EVC2: variants seen among roughly 807,000 people sequenced by gnomAD.
EVC2 encodes EvC ciliary complex subunit 2, also known as limbin.
Under a neutral mutation model 149.3 loss-of-function variants are expected in EVC2, and 148 were observed. That is an observed-to-expected ratio of 0.99 (90% CI 0.87 to 1.14). The LOEUF is 1.14. Among genes scored for constraint, EVC2 ranks in the 50% most tolerant of loss-of-function variants. The pLI is 0.00. For missense variants in EVC2, 1,854 were observed against 1,627.3 expected (o/e 1.14, Z -2.40); for synonymous variants, 776 against 649.9 (o/e 1.19, Z -2.95).
At chr4:5,608,290 G>A (rs1182504264) in intron 16 of EVC2, among the ~76,000 whole-genome samples, 1 of 152,164 alleles carries the variant, frequency 6.6e-6, no homozygotes, top group East Asian at 1.9e-4. Context: ...AGTCCCTCTG[G>A]GGACACCACA....
rs777051922 is a variant in EVC2, at chr4:5,670,077, C to T, written c.871-4428G>A. On this transcript the variant is annotated intron_variant, in intron 7 of 21. Coordinates refer to ENST00000344408, the MANE Select transcript of EVC2 (RefSeq NM_147127.5). The surrounding 1 kb of genome is among the most constrained non-coding windows in gnomAD (Gnocchi z 5.2). Reference sequence around the variant, plus strand: ...TCCTGCCCTGCCTACAATGCCTCTACTCTTCAATCTTCTTCCTCAGTGAAG... The same window carrying T: ...TCCTGCCCTGCCTACAATGCCTCTATTCTTCAATCTTCTTCCTCAGTGAAG... Among the ~76,000 whole-genome samples the T allele has an allele frequency of 1.3e-5, 2 of 152,198 alleles. No individual in the cohort carries two copies. Among genetic ancestry groups the T allele is most frequent in the Admixed American group, 6.5e-5 (1 of 15,284 alleles).
intron 16 of EVC2, among the ~76,000 whole-genome samples, chr4:5,610,794 CTTTTTT>C (rs10690279): frequency 1.6e-5 from 2 of 126,506 alleles, no homozygotes; most frequent in South Asian, 4.9e-4. Flanking sequence ...TTTTCCTTTT[CTTTTTT>C]TTTTTTTTTT....
intron 9 of EVC2, among the ~76,000 whole-genome samples, chr4:5,658,860 G>A (rs1029792960): frequency 1.3e-5 from 2 of 151,820 alleles, no homozygotes; most frequent in Admixed American, 1.3e-4. Flanking sequence ...CCAGAGTAAG[G>A]CTGGAGCTAA....
chr4:5,546,728 G>GA (rs542465431), intron 21 of EVC2, among the ~76,000 whole-genome samples: 13,377 of 145,874 alleles, frequency 0.092, 1,103 homozygotes, highest in African/African-American at 0.22. Context: ...TAATAAAATT[G>GA]AAAAAAAAAA....
chr4:5,588,489 T>C (rs1309984868), intron 16 of EVC2, among the ~76,000 whole-genome samples: 2 of 152,174 alleles, frequency 1.3e-5, no homozygotes, highest in Non-Finnish European at 1.5e-5. Flanking sequence ...TTTTCATCCT[T>C]CTTTTTCTCT....
chr4:5,534,743 G>A, the EVC2 span, among the ~76,000 whole-genome samples: 1 of 150,696 alleles, frequency 6.6e-6, no homozygotes, highest in Non-Finnish European at 1.5e-5. Flanking sequence ...TATCCCCACC[G>A]GTGGAAGAGT....
intron 16 of EVC2, among the ~76,000 whole-genome samples, chr4:5,609,523 G>A (rs1248676449): frequency 2.6e-5 from 4 of 152,168 alleles, no homozygotes; most frequent in Admixed American, 1.3e-4. Flanking sequence ...CAAATGCCTC[G>A]TGTCTGCCTT....
rs1445564675 is a variant in EVC2, at chr4:5,618,643, C to A, written c.2541G>T (p.Glu847Asp). The A allele has an allele frequency of 1.2e-6, 2 of 1,610,586 alleles. No homozygotes were observed. The highest frequency in any genetic ancestry group is 3.4e-5 in the Admixed American group (2 of 59,648). The change falls in exon 15 of 22, where the codon GAG (glutamate) becomes GAT (aspartate). Residue 847 changes from glutamate (E) to aspartate (D), a missense_variant. Physicochemically the swap from Glu to Asp is conservative, Grantham distance 45 (BLOSUM62 2). Coordinates refer to ENST00000344408, the MANE Select transcript of EVC2 (RefSeq NM_147127.5). The surrounding 1 kb of genome is among the most constrained non-coding windows in gnomAD (Gnocchi z 4.4). ...CSSVFSLSEE[E>D]LLRMRQEVHG... ...GGACCTCCTGCCTCATCCTGAGCAG[C>A]TCCTCTTCAGACAGGGAGAAGACTG...
At chr4:5,672,542 T>C (rs1382992958) in intron 7 of EVC2, among the ~76,000 whole-genome samples, 1 of 152,152 alleles carries the variant, frequency 6.6e-6, no homozygotes, top group Non-Finnish European at 1.5e-5. Flanking sequence ...CCGTGGACTT[T>C]GGCTTTTGAT....
intron 16 of EVC2, among the ~76,000 whole-genome samples, chr4:5,611,052 T>C (rs1289155877): frequency 6.6e-6 from 1 of 152,122 alleles, no homozygotes; most frequent in Non-Finnish European, 1.5e-5. Flanking sequence ...CAGGCTGTCA[T>C]TGTGTGTGCC....
At chr4:5,709,447 C>T (rs2151751834), upstream of EVC2, 1 of 152,342 alleles carries the variant, frequency 6.6e-6, no homozygotes, top group East Asian at 1.9e-4. Flanking sequence ...CGAGCCTGGC[C>T]CCTGGCAGCC....
rs150691722 is a variant in EVC2 at position 5,622,698 on chromosome 4, G to T, written c.2340C>A (p.His780Gln). ...CGGCCCGTGCAGCCATCTCCTTGCC[G>T]TGCTCCTCCAGGATCTGCTGCAGGA... The part of the protein sequence containing the change: ...WLFLQQILEE[H>Q]GKEMAARAEQ... Residue 780 changes from histidine to glutamine, a missense_variant, in exon 14 of 22, where the codon CAC becomes CAA. Physicochemically the swap from His to Gln is conservative, Grantham distance 24. Transcript: ENST00000344408. The surrounding 1 kb of genome is among the most constrained non-coding windows in gnomAD (Gnocchi z 5.8). 6.2e-7 allele frequency: 1 copy of T among 1,614,030 alleles called. No homozygotes were observed. Among genetic ancestry groups the T allele is most frequent in the African/African-American group, 1.3e-5 (1 of 74,994 alleles).
intron 16 of EVC2, among the ~76,000 whole-genome samples, chr4:5,601,489 G>A (rs1713974775): frequency 6.7e-6 from 1 of 148,414 alleles, no homozygotes; most frequent in South Asian, 2.1e-4. Flanking sequence ...CTCCCAGCAA[G>A]TGAAGCAAAA....
At chr4:5,592,875 C>T (rs985880916) in intron 16 of EVC2, among the ~76,000 whole-genome samples, 7 of 152,162 alleles carry the variant, frequency 4.6e-5, no homozygotes, top group African/African-American at 1.4e-4. Flanking sequence ...TATGGTTTGG[C>T]TGTGTCCCCA....
At chr4:5,675,832 T>C (rs909482403) in intron 7 of EVC2, among the ~76,000 whole-genome samples, 4 of 152,164 alleles carry the variant, frequency 2.6e-5, no homozygotes, top group African/African-American at 9.7e-5. Context: ...TAATCCCAGC[T>C]ACTCAGGAGG....
intron 12 of EVC2, among the ~76,000 whole-genome samples, chr4:5,626,525 G>A (rs916282497): frequency 1.3e-5 from 2 of 151,936 alleles, no homozygotes; most frequent in Admixed American, 6.6e-5. Flanking sequence ...TAGTAGAGAC[G>A]GGGTTTCACC....
In EVC2 at chr4:5,567,678, T is replaced by A. The variant is rs1722373701; in HGVS notation, c.3557+766A>T. On this transcript the variant is annotated intron_variant, in intron 20 of 21. Transcript: ENST00000344408. The surrounding 1 kb of genome is among the most constrained non-coding windows in gnomAD (Gnocchi z 4.4). The stretch of plus-strand genomic sequence containing the variant: ...GACCAAATTCACACCTGGGGCCCCA[T>A]CCTAAAGGAGACTGTCTATGCAGAG... Among the ~76,000 whole-genome samples, 1 of 151,604 alleles carries A rather than the reference T, an allele frequency of 6.6e-6. No homozygotes were observed. The highest frequency in any genetic ancestry group is 2.4e-5 in the African/African-American group (1 of 41,224).
At chr4:5,699,510 T>G (rs2151741502) in intron 1 of EVC2, among the ~76,000 whole-genome samples, 1 of 152,218 alleles carries the variant, frequency 6.6e-6, no homozygotes, top group Middle Eastern at 3.4e-3. Context: ...AGCAGCATTA[T>G]TCACAATAGC....
chr4:5,630,361 C>T (rs79790697), intron 11 of EVC2, among the ~76,000 whole-genome samples: 1,672 of 152,252 alleles, frequency 0.011, 29 homozygotes, highest in African/African-American at 0.031. Flanking sequence ...TGCTCACAGA[C>T]GCAGGGAAGG....
Sources: gnomAD v4.1 joint callset for allele counts (sites outside exome capture counted in the v4.1 genomes callset) on GRCh38, gnomAD v4.1.1 for gene constraint, Gnocchi (gnomAD v3.1) non-coding constraint, MANE v1.5 for transcripts, NCBI Gene and HGNC (gene_info 2026-07-23, HGNC 2026-07-21) for gene names.